The following SLC4A10 variants were observed in gnomAD, a reference collection of about 807,000 sequenced individuals.
SLC4A10 encodes the protein sodium-driven chloride bicarbonate exchanger.
Under a neutral mutation model 137.7 loss-of-function variants are expected in SLC4A10, and 42 were observed. That is an observed-to-expected ratio of 0.30 (90% CI 0.24 to 0.39). The LOEUF (loss-of-function observed/expected upper bound fraction) is 0.39. SLC4A10 is among the 10% of genes least tolerant of loss of function. The pLI, the probability that SLC4A10 is intolerant of heterozygous loss-of-function variation, is 1.00. For synonymous variants in SLC4A10, 474 were observed against 464.1 expected, an observed-to-expected ratio of 1.02 and a Z score of -0.27; for missense variants, 925 against 1,355.0, an observed-to-expected ratio of 0.68 and a Z score of 4.98.
At chr2:161,667,545 C>T (rs3843855) in intron 1 of SLC4A10, among the ~76,000 whole-genome samples, 132,151 of 151,630 alleles carry the variant, frequency 0.87, 58,197 homozygotes, top group East Asian at 1. Flanking sequence ...ACATCCATAA[C>T]GTTTCAGCCA....
chr2:161,872,158 A>G, intron 6 of SLC4A10, 135 bp from the exon 7 acceptor site: 1 of 505,010 alleles, frequency 2.0e-6, no homozygotes, highest in Non-Finnish European at 3.6e-6. Context: ...ATTTATTTAT[A>G]TTGACCCTTC....
intron 15 of SLC4A10, among the ~76,000 whole-genome samples, chr2:161,919,428 G>A (rs1047300868): frequency 6.6e-6 from 1 of 152,034 alleles, no homozygotes; most frequent in African/African-American, 2.4e-5. Context: ...GCTCACCCAT[G>A]GCCACCCATG....
intron 1 of SLC4A10, among the ~76,000 whole-genome samples, chr2:161,702,161 C>T (rs1311583280): frequency 6.6e-6 from 1 of 151,738 alleles, no homozygotes; most frequent in Non-Finnish European, 1.5e-5. Flanking sequence ...AGTGTCCAAC[C>T]ACAGATGAAT....
At chr2:161,835,814 T>C (rs777102933) in intron 3 of SLC4A10, among the ~76,000 whole-genome samples, 4 of 152,198 alleles carry the variant, frequency 2.6e-5, no homozygotes, top group African/African-American at 4.8e-5. Flanking sequence ...AAGGTTAATA[T>C]AGAAACTTAA....
At chr2:161,879,702 A>C (rs1162845395) in intron 9 of SLC4A10, among the ~76,000 whole-genome samples, 1 of 152,106 alleles carries the variant, frequency 6.6e-6, no homozygotes, top group East Asian at 1.9e-4. Flanking sequence ...AGGTTTGCTT[A>C]CACTTGAATA....
chr2:161,749,858 A>C (rs1212426491), intron 1 of SLC4A10, among the ~76,000 whole-genome samples: 2 of 151,764 alleles, frequency 1.3e-5, no homozygotes, highest in African/African-American at 4.8e-5. Flanking sequence ...TTTTTGAATG[A>C]TTGGAAGAAT....
chr2:161,738,417 C>G (rs992836404), intron 1 of SLC4A10, among the ~76,000 whole-genome samples: 1 of 152,020 alleles, frequency 6.6e-6, no homozygotes, highest in African/African-American at 2.4e-5. Context: ...GATTTATGGA[C>G]AGAAAACAGA....
At chr2:161,874,141 C>A (rs1039143079) in intron 8 of SLC4A10, 136 bp downstream of exon 8, 5 of 831,534 alleles carry the variant, frequency 6.0e-6, no homozygotes, top group Non-Finnish European at 9.1e-6. Flanking sequence ...TAAAGCATTG[C>A]ATCTTCATTC....
At chr2:161,773,053 G>C (rs1034103804) in intron 2 of SLC4A10, among the ~76,000 whole-genome samples, 3 of 151,844 alleles carry the variant, frequency 2.0e-5, no homozygotes, top group African/African-American at 7.2e-5. Context: ...CTTCTGTTTG[G>C]TGTTACTATA....
intron 1 of SLC4A10, among the ~76,000 whole-genome samples, chr2:161,690,230 C>G (rs893197353): frequency 6.6e-6 from 1 of 152,074 alleles, no homozygotes; most frequent in South Asian, 2.1e-4. Flanking sequence ...AAATGCAAAT[C>G]GAAACCACAA....
intron 4 of SLC4A10, among the ~76,000 whole-genome samples, chr2:161,840,712 G>A (rs2059124856): frequency 1.3e-5 from 2 of 152,176 alleles, no homozygotes; most frequent in Admixed American, 6.6e-5. Context: ...ATACAGGTGT[G>A]CACAAGAAAC....
chr2:161,779,589 A>G (rs1473049122), intron 2 of SLC4A10, among the ~76,000 whole-genome samples: 1 of 152,042 alleles, frequency 6.6e-6, no homozygotes, highest in East Asian at 1.9e-4. Flanking sequence ...ATAAGTGCAC[A>G]TCTCATAATT....
intron 3 of SLC4A10, among the ~76,000 whole-genome samples, chr2:161,830,787 T>C (rs2058385590): frequency 6.6e-6 from 1 of 152,192 alleles, no homozygotes; most frequent in Non-Finnish European, 1.5e-5. Flanking sequence ...TGCCCTTATA[T>C]TTCATCCATT....
At chr2:161,657,801 A>C (rs773585177) in intron 1 of SLC4A10, among the ~76,000 whole-genome samples, 1 of 152,158 alleles carries the variant, frequency 6.6e-6, no homozygotes, top group Non-Finnish European at 1.5e-5. Flanking sequence ...TTAAAATAAC[A>C]ATCTACAGAA....
At position 161,983,850 on chromosome 2, in the gene SLC4A10, T is replaced by G. The variant is rs1444894942; in HGVS notation, c.*698T>G. 1 of 152,248 alleles carries G rather than the reference T, an allele frequency of 6.6e-6. No homozygotes were observed. Among genetic ancestry groups the G allele is most frequent in the Non-Finnish European group, 1.5e-5 (1 of 68,048 alleles). The allele number at this position is 152,248 out of a possible 1,614,324, so 9.4% of individuals were successfully genotyped here. A position where few individuals can be genotyped will look rare whatever the true frequency, so the allele number is the denominator to read the frequency against. On this transcript the variant is annotated 3_prime_UTR_variant, in exon 27 of 27. Transcript: ENST00000446997. ...ACTTGTTAAGGACAATCAGACATAA[T>G]GCAGAGTTAAGTAGTATTTGCTTAA... is the stretch of plus-strand genomic sequence containing the variant.
chr2:161,689,206 G>C (rs1429305284), intron 1 of SLC4A10, among the ~76,000 whole-genome samples: 1 of 152,008 alleles, frequency 6.6e-6, no homozygotes, highest in Non-Finnish European at 1.5e-5. Flanking sequence ...ATTTATTGTA[G>C]CCTAAGTGTA....
At chr2:161,668,502 G>T (rs2039335094) in intron 1 of SLC4A10, among the ~76,000 whole-genome samples, 1 of 151,738 alleles carries the variant, frequency 6.6e-6, no homozygotes, top group Non-Finnish European at 1.5e-5. Flanking sequence ...ACTACTAGAA[G>T]TAATCAACTA....
chr2:161,864,338 T>G (rs1264103607), intron 6 of SLC4A10, among the ~76,000 whole-genome samples: 1 of 152,224 alleles, frequency 6.6e-6, no homozygotes, highest in African/African-American at 2.4e-5. Flanking sequence ...AATCTCACCC[T>G]TATTTTCAAA....
At chr2:161,654,350 CT>C (rs753208597) in intron 1 of SLC4A10, among the ~76,000 whole-genome samples, 4 of 152,074 alleles carry the variant, frequency 2.6e-5, no homozygotes, top group African/African-American at 9.7e-5. Flanking sequence ...TCTGTGGAGC[CT>C]TTTCACTCTT....
Sources: gnomAD v4.1 joint callset for allele counts (sites outside exome capture counted in the v4.1 genomes callset) on GRCh38, gnomAD v4.1.1 for gene constraint, MANE v1.5 for transcripts, NCBI Gene and HGNC (gene_info 2026-07-23, HGNC 2026-07-21) for gene names.